REEP6: variants seen among roughly 807,000 people sequenced by gnomAD.
REEP6 encodes the protein receptor accessory protein 6.
REEP6 carries 19 observed loss-of-function variants against 22.4 expected under a neutral mutation model. That is an observed-to-expected ratio of 0.85 (90% CI 0.59 to 1.25). The LOEUF (loss-of-function observed/expected upper bound fraction) is 1.25. REEP6 is among the 50% of genes most tolerant of loss of function. REEP6 has a pLI of 0.00. For synonymous variants in REEP6, 121 were observed against 113.6 expected (o/e 1.06, Z -0.41); for missense variants, 273 against 251.9 (o/e 1.08, Z -0.57).
intron 1 of REEP6, among the ~76,000 whole-genome samples, chr19:1,492,503 T>C (rs1311560845): frequency 6.6e-6 from 1 of 152,132 alleles, no homozygotes; most frequent in East Asian, 1.9e-4. Context: ...ACTTCTGGGC[T>C]CAAGCGATCC....
At position 1,497,522 on chromosome 19, in the gene REEP6, C is replaced by T. The variant is rs2085019626; in HGVS notation, c.*311C>T. The stretch of plus-strand genomic sequence containing the variant: ...GCTCCCACTGGTCTCGGCAACACAC[C>T]CAGCCGCCTGGTACTTCCTCCAGCC... On this transcript the variant is annotated 3_prime_UTR_variant, in exon 5 of 5. Coordinates refer to ENST00000233596, the MANE Select transcript of REEP6 (RefSeq NM_138393.4). The surrounding 1 kb of genome is among the most constrained non-coding windows in gnomAD (Gnocchi z 6.5). 1 of 650,822 alleles carries T rather than the reference C, an allele frequency of 1.5e-6. No homozygotes were observed. Among genetic ancestry groups the T allele is most frequent in the African/African-American group, 1.8e-5 (1 of 55,788 alleles). The allele number at this position is 650,822 out of a possible 1,614,324, so 40.3% of individuals were successfully genotyped here.
intron 4 of REEP6, among the ~76,000 whole-genome samples, chr19:1,496,910 GTATA>G (rs912795899): frequency 1.1e-4 from 16 of 152,140 alleles, no homozygotes; most frequent in African/African-American, 2.9e-4. Context: ...GTGCATGTGA[GTATA>G]TGTGTGTGCG....
chr19:1,496,111 C>G (rs1391504098), intron 3 of REEP6, 174 bp from the exon 4 acceptor site: 4 of 749,994 alleles, frequency 5.3e-6, no homozygotes, highest in Non-Finnish European at 8.3e-6. Flanking sequence ...TGGCGAAAAC[C>G]CAGGCCCATC....
In REEP6 at chr19:1,491,515, C is replaced by T. The variant is rs918871994; in HGVS notation, c.115+131C>T. On this transcript the variant is annotated intron_variant, in intron 1 of 4. Transcript: ENST00000233596. This position sits in a 1 kb window ranked among gnomAD's most constrained non-coding sequence, Gnocchi z 5.4. ...GTGGAGCGCGCGAGGTGACTGGGAC[C>T]TCGAGGTCCGCCCGCAGCCCTTCCC... is the stretch of plus-strand genomic sequence containing the variant. The T allele has an allele frequency of 7.5e-6, 4 of 535,142 alleles. No homozygotes were observed. The highest frequency in any genetic ancestry group is 2.0e-5 in the African/African-American group (1 of 50,542). The allele number at this position is 535,142 out of a possible 1,614,324, so 33.1% of individuals were successfully genotyped here.
rs949786923 is a variant in REEP6, at chr19:1,496,630, CG to C, written c.517+179del. 5 of 865,410 alleles carry C rather than the reference CG, an allele frequency of 5.8e-6. No homozygotes were observed. The highest frequency in any genetic ancestry group is 9.6e-6 in the Non-Finnish European group (5 of 521,048). 53.6% of individuals were successfully genotyped at this position (865,410 alleles called of 1,614,324 possible). ...GCCCGTAGCCGGGCAGGCATCACCC[CG>C]GTGGCTGTGGCCGGGCCCTCCACTC... On this transcript the variant is annotated intron_variant, in intron 4 of 4. Coordinates refer to ENST00000233596, the MANE Select transcript of REEP6 (RefSeq NM_138393.4).
rs762249273 is a variant in REEP6, at chr19:1,495,288, C to G, written c.116-6C>G. The G allele has an allele frequency of 5.6e-5, 90 of 1,611,256 alleles. No homozygotes were observed. The highest frequency in any genetic ancestry group is 1.3e-5 in the African/African-American group (1 of 74,942). On this transcript the variant is annotated splice_region_variant and splice_polypyrimidine_tract_variant and intron_variant, in intron 1 of 4. Transcript: ENST00000233596. ...GCCCTGGCACACCACCGCCTCTCTC[C>G]GGCAGGAGCCGTCACTCTGCTAAGC... is the stretch of plus-strand genomic sequence containing the variant.
chr19:1,491,749 CAGT>C lies in REEP6; in HGVS notation c.115+368_115+370del, dbSNP rs1219318540. ...CCCGTGGACCCCGGCCTGGCTGCAA[CAGT>C]AGAGATCTTCCCGTTTTTCTGAGGG... On this transcript the variant is annotated intron_variant, in intron 1 of 4. Coordinates refer to ENST00000233596, the MANE Select transcript of REEP6 (RefSeq NM_138393.4). This position sits in a 1 kb window ranked among gnomAD's most constrained non-coding sequence, Gnocchi z 5.4. Among the ~76,000 whole-genome samples, 1 of 152,168 alleles carries C rather than the reference CAGT, an allele frequency of 6.6e-6. No homozygotes were observed.
rs1420590120 is a variant in REEP6 at position 1,497,570 on chromosome 19, C to T, written c.*359C>T. The stretch of plus-strand genomic sequence containing the variant: ...GCCCCTCCCAGTCAGCCCTCCCGTC[C>T]TCGGGGCCCCTGCAGCCACCCAACG... On this transcript the variant is annotated 3_prime_UTR_variant, in exon 5 of 5. Transcript: ENST00000233596. This position sits in a 1 kb window ranked among gnomAD's most constrained non-coding sequence, Gnocchi z 6.5. 1 of 564,232 alleles carries T rather than the reference C, an allele frequency of 1.8e-6. No homozygotes were observed. Among genetic ancestry groups the T allele is most frequent in the Admixed American group, 2.2e-5 (1 of 45,168 alleles). The allele number at this position is 564,232 out of a possible 1,614,324, so 35.0% of individuals were successfully genotyped here. A position where few individuals can be genotyped will look rare whatever the true frequency, so the allele number is the denominator to read the frequency against.
At chr19:1,496,843 T>C (rs1203153913) in intron 4 of REEP6, among the ~76,000 whole-genome samples, 2 of 151,992 alleles carry the variant, frequency 1.3e-5, no homozygotes, top group African/African-American at 4.8e-5. Flanking sequence ...GGTGTGTGAG[T>C]GAGCAAGGGA....
In REEP6 at chr19:1,496,335, C is replaced by T. The variant is rs1448521581; in HGVS notation, c.399C>T (p.Leu133=). 3 of 1,612,736 alleles carry T rather than the reference C, an allele frequency of 1.9e-6. No homozygotes were observed. The highest frequency in any genetic ancestry group is 2.5e-6 in the Non-Finnish European group (3 of 1,179,758). Residue 133 remains leucine (L), a synonymous_variant, in exon 4 of 5, where the codon CTC becomes CTT. Transcript: ENST00000233596. ...CTCCCAGGCCCTGGAACGGGGCTCTCATGCTGTATCAGCGCGTCGTGCGTC... is the reference window on the plus strand; with the variant it reads ...CTCCCAGGCCCTGGAACGGGGCTCTTATGCTGTATCAGCGCGTCGTGCGTC... The part of the protein sequence containing the change: ...CMAPRPWNGA[L]MLYQRVVRPL...
Position 1,497,593 on chromosome 19 carries a change from A to C in REEP6, c.*382A>C, listed in dbSNP as rs905303639. On this transcript the variant is annotated 3_prime_UTR_variant, in exon 5 of 5. Coordinates refer to ENST00000233596, the MANE Select transcript of REEP6 (RefSeq NM_138393.4). This position sits in a 1 kb window ranked among gnomAD's most constrained non-coding sequence, Gnocchi z 6.5. ...TCCTCGGGGCCCCTGCAGCCACCCA[A>C]CGTCACCTCCAGCCCGGTCTCACCC... is the stretch of plus-strand genomic sequence containing the variant. 42 of 533,972 alleles carry C rather than the reference A, an allele frequency of 7.9e-5. No individual in the cohort carries two copies. Among genetic ancestry groups the C allele is most frequent in the Non-Finnish European group, 1.3e-4 (36 of 268,148 alleles). 33.1% of individuals were successfully genotyped at this position (533,972 alleles called of 1,614,324 possible). A position where few individuals can be genotyped will look rare whatever the true frequency, so the allele number is the denominator to read the frequency against.
At chr19:1,495,734 T>C (rs764411226) in intron 3 of REEP6, 127 bp downstream of exon 3, 4 of 1,343,672 alleles carry the variant, frequency 3.0e-6, no homozygotes, top group Non-Finnish European at 1.0e-6. Context: ...CTCAGTCCCT[T>C]CCCTGGGGAA....
chr19:1,497,083 C>T lies in REEP6; in HGVS notation c.518-91C>T, dbSNP rs923992340. 26 of 1,098,844 alleles carry T rather than the reference C, an allele frequency of 2.4e-5. No homozygotes were observed. The highest frequency in any genetic ancestry group is 3.0e-5 in the Non-Finnish European group (24 of 787,342). The allele number at this position is 1,098,844 out of a possible 1,614,324, so 68.1% of individuals were successfully genotyped here. ...GCCCGGCCCCTCGACTTGTCATGCT[C>T]ATAGCCAGTAGCCTCAGTCCCGCCT... On this transcript the variant is annotated intron_variant, in intron 4 of 4. Coordinates refer to ENST00000233596, the MANE Select transcript of REEP6 (RefSeq NM_138393.4). The surrounding 1 kb of genome is among the most constrained non-coding windows in gnomAD (Gnocchi z 6.5).
Position 1,497,144 on chromosome 19 carries a change from G to GGCCA in REEP6, c.518-30_518-29insGCCA. 1 of 1,328,120 alleles carries GGCCA rather than the reference G, an allele frequency of 7.5e-7. No individual in the cohort carries two copies. The highest frequency in any genetic ancestry group is 1.0e-6 in the Non-Finnish European group (1 of 992,330). The allele number at this position is 1,328,120 out of a possible 1,614,324, so 82.3% of individuals were successfully genotyped here. On this transcript the variant is annotated intron_variant, in intron 4 of 4. Coordinates refer to ENST00000233596, the MANE Select transcript of REEP6 (RefSeq NM_138393.4). The surrounding 1 kb of genome is among the most constrained non-coding windows in gnomAD (Gnocchi z 6.5). ...CCGGGGAGCCCAGGCCTGCCTCACG[G>GGCCA]CCCTCCCCCACCCGCCCCTCTCTCT...
At position 1,496,281 on chromosome 19, in the gene REEP6, G is replaced by A. The variant is rs756956302; in HGVS notation, c.349-4G>A. On this transcript the variant is annotated splice_region_variant and splice_polypyrimidine_tract_variant and intron_variant, in intron 3 of 4. Transcript: ENST00000233596. Reference sequence around the variant, plus strand: ...CCGCGTGTAACTCCTGCCCCGCCCTGCAGTGCGCCTTCCTGTTGTTCTGCA... The same window carrying A: ...CCGCGTGTAACTCCTGCCCCGCCCTACAGTGCGCCTTCCTGTTGTTCTGCA... 6.2e-7 allele frequency: 1 copy of A among 1,601,778 alleles called. No homozygotes were observed. Among genetic ancestry groups the A allele is most frequent in the Non-Finnish European group, 8.5e-7 (1 of 1,173,100 alleles).
intron 4 of REEP6, chr19:1,496,764 TGTA>T: frequency 1.7e-6 from 1 of 602,152 alleles, no homozygotes; most frequent in South Asian, 1.6e-5. Flanking sequence ...TGTGTGCACA[TGTA>T]TTATTGTGTG....
rs999131378 is a variant in REEP6 at position 1,497,425 on chromosome 19, A to G, written c.*214A>G. The stretch of plus-strand genomic sequence containing the variant: ...ACCCCCAGCTCTGGATCCCAGGGCC[A>G]GCTGCCCTCTGGCTCTGGCTGTGGC... On this transcript the variant is annotated 3_prime_UTR_variant, in exon 5 of 5. Coordinates refer to ENST00000233596, the MANE Select transcript of REEP6 (RefSeq NM_138393.4). The surrounding 1 kb of genome is among the most constrained non-coding windows in gnomAD (Gnocchi z 6.5). The G allele has an allele frequency of 7.0e-6, 5 of 712,422 alleles. No homozygotes were observed. Among genetic ancestry groups the G allele is most frequent in the African/African-American group, 5.2e-5 (3 of 57,270 alleles). 44.1% of individuals were successfully genotyped at this position (712,422 alleles called of 1,614,324 possible). A position where few individuals can be genotyped will look rare whatever the true frequency, so the allele number is the denominator to read the frequency against.
At position 1,497,862 on chromosome 19, in the gene REEP6, C is replaced by T. The variant is rs1009096196; in HGVS notation, c.*651C>T. ...GCCACACCACAGGCCCCCGTGCCTG[C>T]AGCACTACTGGTGCCTGAAACACCT... is the stretch of plus-strand genomic sequence containing the variant. On this transcript the variant is annotated 3_prime_UTR_variant, in exon 5 of 5. Transcript: ENST00000233596. The surrounding 1 kb of genome is among the most constrained non-coding windows in gnomAD (Gnocchi z 6.5). 1 of 469,674 alleles carries T rather than the reference C, an allele frequency of 2.1e-6. No individual in the cohort carries two copies. Among genetic ancestry groups the T allele is most frequent in the East Asian group, 7.0e-5 (1 of 14,358 alleles). 29.1% of individuals were successfully genotyped at this position (469,674 alleles called of 1,614,324 possible). A position where few individuals can be genotyped will look rare whatever the true frequency, so the allele number is the denominator to read the frequency against.
Position 1,495,535 on chromosome 19 carries a change from C to A in REEP6, c.276C>A (p.Tyr92Ter), listed in dbSNP as rs1457024997. Residue 92 changes from tyrosine (Y) to a stop codon, truncating the protein, a stop_gained, in exon 3 of 5, where the codon TAC becomes TAA. Transcript: ENST00000233596. LOFTEE classifies it high-confidence loss of function. Reference protein sequence around the residue: ...DTVWLTYWVVYALFGLAEFFS... With the variant: ...DTVWLTYWVV ...TGTGGCTCACCTACTGGGTGGTGTA[C>A]GCCCTGTTTGGGCTGGCCGAGTTCT... 1 of 1,614,108 alleles carries A rather than the reference C, an allele frequency of 6.2e-7. No individual in the cohort carries two copies. Among genetic ancestry groups the A allele is most frequent in the African/African-American group, 1.3e-5 (1 of 75,074 alleles).
Sources: gnomAD v4.1 joint callset for allele counts (sites outside exome capture counted in the v4.1 genomes callset) on GRCh38, gnomAD v4.1.1 for gene constraint, Gnocchi (gnomAD v3.1) non-coding constraint, MANE v1.5 for transcripts, NCBI Gene and HGNC (gene_info 2026-07-23, HGNC 2026-07-21) for gene names.